Variants in ACSF3 observed in about 807,000 individuals in gnomAD.
The protein encoded by ACSF3 is acyl-CoA synthetase family member 3.
Under a neutral mutation model 53.2 loss-of-function variants are expected in ACSF3, and 78 were observed. The observed-to-expected ratio is 1.47, with a 90% confidence interval of 1.22 to 1.77. The LOEUF (loss-of-function observed/expected upper bound fraction) is 1.77. Among genes scored for constraint, ACSF3 ranks in the 40% most tolerant of loss-of-function variants. The probability of loss-of-function intolerance (pLI) is 0.00; values close to 1 mark genes in which losing one functional copy is unlikely to be tolerated. For missense variants in ACSF3, 937 were observed against 771.1 expected, an observed-to-expected ratio of 1.22 and a Z score of -2.55; for synonymous variants, 414 against 333.1, an observed-to-expected ratio of 1.24 and a Z score of -2.65.
chr16:89,107,147 G>A (rs975399970), intron 4 of ACSF3, among the ~76,000 whole-genome samples: 11 of 152,190 alleles, frequency 7.2e-5, no homozygotes, highest in African/African-American at 2.7e-4. Flanking sequence ...ATGTTATGGC[G>A]CCCTTCAGGG....
In ACSF3 at chr16:89,145,261, C is replaced by T. The variant is rs113343336; in HGVS notation, c.1367-6C>T. 1.5e-3 allele frequency: 2,427 copies of T among 1,614,032 alleles called. 45 individuals carry two copies. In the African/African-American group the frequency reaches 0.03, roughly 20 times the overall value. On this transcript the variant is annotated splice_polypyrimidine_tract_variant and splice_region_variant and intron_variant, in intron 8 of 10. Coordinates refer to ENST00000614302, the MANE Select transcript of ACSF3 (RefSeq NM_001243279.3). The stretch of plus-strand genomic sequence containing the variant: ...TGGCCAGTTAACCAGAGCCCCTTTT[C>T]CTCAGGGGACACCGTGGTGTTTAAG...
chr16:89,107,529 T>C (rs1976154569), intron 4 of ACSF3, among the ~76,000 whole-genome samples: 1 of 152,268 alleles, frequency 6.6e-6, no homozygotes, highest in Non-Finnish European at 1.5e-5. Flanking sequence ...GCTGTTGATC[T>C]GTGTGTTACA....
At chr16:89,134,176 C>T (rs555580259) in intron 8 of ACSF3, among the ~76,000 whole-genome samples, 13 of 152,316 alleles carry the variant, frequency 8.5e-5, no homozygotes, top group African/African-American at 2.4e-4. Context: ...TCCAAAATGG[C>T]GGCAGGCTGC....
chr16:89,135,856 C>G (rs1316483033), intron 8 of ACSF3, among the ~76,000 whole-genome samples: 3 of 152,240 alleles, frequency 2.0e-5, no homozygotes, highest in Non-Finnish European at 4.4e-5. Context: ...CTCACTGCAA[C>G]CTCTGCCTCT....
chr16:89,101,089 T>A lies in ACSF3; in HGVS notation c.408T>A (p.Tyr136Ter), dbSNP rs1313088429. ...AGCATCCCGCGGCCCAGCTGGAGTA[T>A]GTCATCTGCGACTCCCAGAGCTCTG... Reference protein sequence around the residue: ...YRKHPAAQLEYVICDSQSSVV... With the variant: ...YRKHPAAQLE Residue 136 changes from tyrosine to a stop codon, truncating the protein, a stop_gained, in exon 3 of 11, where the codon TAT (tyrosine) becomes TAA (stop). Transcript: ENST00000614302. LOFTEE classifies it high-confidence loss of function. 8.1e-6 allele frequency: 13 copies of A among 1,614,046 alleles called. No individual in the cohort carries two copies. The highest frequency in any genetic ancestry group is 1.1e-5 in the Non-Finnish European group (13 of 1,180,006).
chr16:89,155,984 C>A lies in ACSF3; in HGVS notation c.*1777C>A, dbSNP rs994158667. 17 of 361,110 alleles carry A rather than the reference C, an allele frequency of 4.7e-5. No homozygotes were observed. Among genetic ancestry groups the A allele is most frequent in the African/African-American group, 3.4e-4 (16 of 46,772 alleles). 22.4% of individuals were successfully genotyped at this position (361,110 alleles called of 1,614,324 possible). Reference sequence around the variant, plus strand: ...TCGTTGACCACAAACTACAGAAAGCCTGGAGCTCGTTGACCAGCCGGTTGA... The same window carrying A: ...TCGTTGACCACAAACTACAGAAAGCATGGAGCTCGTTGACCAGCCGGTTGA... On this transcript the variant is annotated 3_prime_UTR_variant, in exon 11 of 11. Transcript: ENST00000614302.
Position 89,120,854 on chromosome 16 carries a change from C to G in ACSF3, c.1180C>G (p.Pro394Ala). 1 of 1,614,106 alleles carries G rather than the reference C, an allele frequency of 6.2e-7. No homozygotes were observed. The highest frequency in any genetic ancestry group is 2.2e-5 in the East Asian group (1 of 44,884). ...ACAGGTGCGCATTGTCTCAGAAAAC[C>G]CACAGAGGGAAGCCTGCTCCTACAC... ...GVQVRIVSENPQREACSYTIH... is the reference protein window; with the variant it reads ...GVQVRIVSENAQREACSYTIH... Residue 394 changes from proline (P) to alanine (A), a missense_variant, in exon 7 of 11, where the codon CCA becomes GCA. Physicochemically the swap from Pro to Ala is conservative, Grantham distance 27 (BLOSUM62 -1). Coordinates refer to ENST00000614302, the MANE Select transcript of ACSF3 (RefSeq NM_001243279.3).
chr16:89,135,780 G>A (rs1438295723), intron 8 of ACSF3, among the ~76,000 whole-genome samples: 2 of 152,212 alleles, frequency 1.3e-5, no homozygotes, highest in African/African-American at 4.8e-5. Context: ...TATTTATTTA[G>A]TTAGTTATTT....
intron 6 of ACSF3, among the ~76,000 whole-genome samples, chr16:89,119,509 G>T (rs1323094226): frequency 1.3e-5 from 2 of 152,202 alleles, no homozygotes; most frequent in African/African-American, 4.8e-5. Context: ...GCCGTGCCGC[G>T]CACTGAAATG....
chr16:89,102,432 T>G (rs1975454699), intron 3 of ACSF3, 172 bp from the exon 4 acceptor site: 1 of 731,388 alleles, frequency 1.4e-6, no homozygotes, highest in Non-Finnish European at 2.4e-6. Flanking sequence ...TCTGCTGTGG[T>G]TTTGTCGTCA....
intron 2 of ACSF3, 29 bp from the exon 3 acceptor site, chr16:89,100,633 C>T (rs1203230558): frequency 6.3e-7 from 1 of 1,584,072 alleles, no homozygotes; most frequent in Non-Finnish European, 8.5e-7. Flanking sequence ...CAGTTGGGCA[C>T]TCACGTCCTG....
In ACSF3 at chr16:89,098,484, G is replaced by A. The variant is rs118008166; in HGVS notation, c.-193-107G>A. The stretch of plus-strand genomic sequence containing the variant: ...GCTTTATTTGATAATGTTGTCTTTA[G>A]CTTGTAAATGAACATGCTTCCCTTC... On this transcript the variant is annotated intron_variant, in intron 1 of 10. Transcript: ENST00000614302. 1.0e-4 allele frequency: 38 copies of A among 365,010 alleles called. No individual in the cohort carries two copies. In the East Asian group the frequency reaches 2.7e-3, roughly 26 times the overall value. 22.6% of individuals were successfully genotyped at this position (365,010 alleles called of 1,614,324 possible).
intron 7 of ACSF3, 98 bp downstream of exon 7, chr16:89,121,011 C>A: frequency 9.0e-7 from 1 of 1,113,008 alleles, no homozygotes. Flanking sequence ...AGGCAGACTC[C>A]CCTCCACGCA....
chr16:89,101,397 G>C, intron 3 of ACSF3, 50 bp downstream of exon 3: 2 of 1,549,746 alleles, frequency 1.3e-6, no homozygotes, highest in Middle Eastern at 2.1e-4. Flanking sequence ...ACAGCACTCC[G>C]GGTGGGCTCC....
chr16:89,154,913 C>G lies in ACSF3; in HGVS notation c.*706C>G, dbSNP rs775321460. On this transcript the variant is annotated 3_prime_UTR_variant, in exon 11 of 11. Transcript: ENST00000614302. ...CCTCACCCCCCAGCGCAGGGACTTTCCAGGTCATCTCCACACCAGCCCCTC... is the reference window on the plus strand; with the variant it reads ...CCTCACCCCCCAGCGCAGGGACTTTGCAGGTCATCTCCACACCAGCCCCTC... The G allele has an allele frequency of 2.6e-5, 12 of 453,976 alleles. No individual in the cohort carries two copies. Among genetic ancestry groups the G allele is most frequent in the Non-Finnish European group, 4.4e-6 (1 of 226,798 alleles). The allele number at this position is 453,976 out of a possible 1,614,324, so 28.1% of individuals were successfully genotyped here.
intron 6 of ACSF3, among the ~76,000 whole-genome samples, chr16:89,120,595 G>A (rs1906389964): frequency 6.6e-6 from 1 of 152,374 alleles, no homozygotes; most frequent in African/African-American, 2.4e-5. Context: ...TGAGCACACC[G>A]TGCTTGCCAG....
intron 8 of ACSF3, among the ~76,000 whole-genome samples, chr16:89,134,840 A>T (rs1910090234): frequency 6.6e-6 from 1 of 152,162 alleles, no homozygotes; most frequent in African/African-American, 2.4e-5. Flanking sequence ...AGGCTTAGGG[A>T]TTCTTAGTCG....
intron 8 of ACSF3, among the ~76,000 whole-genome samples, chr16:89,134,585 T>A (rs1014559902): frequency 2.0e-5 from 3 of 152,162 alleles, no homozygotes; most frequent in African/African-American, 7.2e-5. Context: ...TTGCAAGATT[T>A]AATAGAGTGA....
At chr16:89,143,208 T>TTGGTGCAGTCTCAGCCCCGTGCGTAGCTG (rs550220922) in intron 8 of ACSF3, among the ~76,000 whole-genome samples, 2 of 151,894 alleles carry the variant, frequency 1.3e-5, no homozygotes, top group African/African-American at 4.8e-5. Context: ...GTGCGTAGCT[T>TTGGTGCAGTCTCAGCCCCGTGCGTAGCTG]TGGTGCAGTC....
Sources: gnomAD v4.1 joint callset for allele counts (sites outside exome capture counted in the v4.1 genomes callset) on GRCh38, gnomAD v4.1.1 for gene constraint, MANE v1.5 for transcripts, NCBI Gene and HGNC (gene_info 2026-07-23, HGNC 2026-07-21) for gene names.